PRKG2: variants seen among roughly 807,000 people sequenced by gnomAD.
PRKG2 encodes the protein protein kinase cGMP-dependent 2, also known as cGMP-dependent protein kinase 2.
Under a neutral mutation model 97.2 loss-of-function variants are expected in PRKG2, and 33 were observed. That is an observed-to-expected ratio of 0.34 (90% CI 0.26 to 0.45). PRKG2 has a LOEUF of 0.45. Among genes scored for constraint, PRKG2 ranks in the 20% least tolerant of loss-of-function variants. PRKG2 has a pLI of 1.00. For synonymous variants in PRKG2, 330 were observed against 321.8 expected, an observed-to-expected ratio of 1.03 and a Z score of -0.27; for missense variants, 638 against 900.0, an observed-to-expected ratio of 0.71 and a Z score of 3.73.
rs115547747 is a variant in PRKG2, at chr4:81,183,120, A to C, written c.462-8161T>G. Reference sequence around the variant, plus strand: ...ACACTTAAAGTAATGGATATCAAAAATTATGATGAATGAAAATAATTAAGA... The same window carrying C: ...ACACTTAAAGTAATGGATATCAAAACTTATGATGAATGAAAATAATTAAGA... On this transcript the variant is annotated intron_variant, in intron 2 of 18. Coordinates refer to ENST00000264399, the MANE Select transcript of PRKG2 (RefSeq NM_006259.3). Among the ~76,000 whole-genome samples the C allele has an allele frequency of 2.0e-3, 307 of 152,306 alleles. 3 individuals carry two copies. Among genetic ancestry groups the C allele is most frequent in the African/African-American group, 7.1e-3 (294 of 41,566 alleles).
At chr4:81,090,088 T>C (rs1741394750) in intron 18 of PRKG2, among the ~76,000 whole-genome samples, 1 of 152,242 alleles carries the variant, frequency 6.6e-6, no homozygotes, top group African/African-American at 2.4e-5. Context: ...CCAGGCGCTG[T>C]GGCTCACGCC....
intron 14 of PRKG2, among the ~76,000 whole-genome samples, chr4:81,122,609 G>A (rs1745170597): frequency 6.6e-6 from 1 of 152,034 alleles, no homozygotes; most frequent in South Asian, 2.1e-4. Context: ...TCTTATTTAG[G>A]CCTTTTTTTT....
chr4:81,089,801 G>A lies in PRKG2; in HGVS notation c.2196C>T (p.Leu732=). The stretch of plus-strand genomic sequence containing the variant: ...AGTAGCTGTGATCTATGGGTCCCTT[G>A]AGCTAATATAGAAATAATTAAAACA... ...RSLPSPLQRE[L]KGPIDHSYFD... Residue 732 remains leucine (L), a splice_region_variant and synonymous_variant, in exon 19 of 19, where the codon CTC becomes CTT. Transcript: ENST00000264399. 1 of 1,596,590 alleles carries A rather than the reference G, an allele frequency of 6.3e-7. No individual in the cohort carries two copies. The highest frequency in any genetic ancestry group is 8.6e-7 in the Non-Finnish European group (1 of 1,164,288).
intron 14 of PRKG2, among the ~76,000 whole-genome samples, chr4:81,130,628 A>C (rs1237970014): frequency 1.3e-5 from 2 of 152,184 alleles, no homozygotes; most frequent in Non-Finnish European, 2.9e-5. Context: ...CCAGGGATAG[A>C]GTAGTTTTAT....
chr4:81,210,963 A>G (rs1753941282), intron 1 of PRKG2, among the ~76,000 whole-genome samples: 1 of 152,202 alleles, frequency 6.6e-6, no homozygotes, highest in African/African-American at 2.4e-5. Flanking sequence ...TATACATTGT[A>G]TGATTTCAAC....
At chr4:81,124,955 C>G (rs1745409808) in intron 14 of PRKG2, among the ~76,000 whole-genome samples, 1 of 152,026 alleles carries the variant, frequency 6.6e-6, no homozygotes, top group African/African-American at 2.4e-5. Flanking sequence ...GTTTCTATTT[C>G]TTAAATATTG....
At chr4:81,133,715 G>A (rs1746385320) in intron 14 of PRKG2, among the ~76,000 whole-genome samples, 1 of 151,956 alleles carries the variant, frequency 6.6e-6, no homozygotes, top group African/African-American at 2.4e-5. Flanking sequence ...CTTACTCTTT[G>A]TTTAGCTGAT....
chr4:81,135,108 A>C, intron 14 of PRKG2, 47 bp downstream of exon 14: 6 of 1,508,798 alleles, frequency 4.0e-6, no homozygotes, highest in Non-Finnish European at 5.4e-6. Context: ...AACTTTTGCC[A>C]GGGGAAATAT....
intron 2 of PRKG2, among the ~76,000 whole-genome samples, chr4:81,201,030 T>C (rs370145214): frequency 3.9e-5 from 6 of 152,288 alleles, no homozygotes; most frequent in African/African-American, 1.4e-4. Flanking sequence ...CATAGACTCA[T>C]TTTCTGTGGC....
At chr4:81,091,098 AT>A (rs1304897198) in intron 18 of PRKG2, among the ~76,000 whole-genome samples, 1 of 152,154 alleles carries the variant, frequency 6.6e-6, no homozygotes, top group Non-Finnish European at 1.5e-5. Flanking sequence ...GCATAGAAGC[AT>A]TTTACATTAG....
intron 12 of PRKG2, among the ~76,000 whole-genome samples, chr4:81,138,334 C>G (rs746089083): frequency 6.6e-5 from 10 of 152,110 alleles, no homozygotes; most frequent in Non-Finnish European, 1.2e-4. Flanking sequence ...CTCCCTAGCA[C>G]CACATCCAGA....
chr4:81,214,529 C>G (rs1754174543), intron 1 of PRKG2, among the ~76,000 whole-genome samples: 1 of 151,958 alleles, frequency 6.6e-6, no homozygotes, highest in Non-Finnish European at 1.5e-5. Context: ...GGACTGTCCC[C>G]TAGCAACTAC....
At chr4:81,197,309 A>G (rs1348726905) in intron 2 of PRKG2, among the ~76,000 whole-genome samples, 1 of 152,190 alleles carries the variant, frequency 6.6e-6, no homozygotes, top group Non-Finnish European at 1.5e-5. Flanking sequence ...ATTTCAGAGG[A>G]CATTTAGAAA....
chr4:81,159,260 A>T (rs1250681884), intron 6 of PRKG2, among the ~76,000 whole-genome samples: 4 of 152,184 alleles, frequency 2.6e-5, no homozygotes, highest in Non-Finnish European at 5.9e-5. Context: ...AAACAAATTT[A>T]CAAGAAAAAA....
chr4:81,152,355 G>A (rs559110753), intron 7 of PRKG2, among the ~76,000 whole-genome samples: 2 of 152,260 alleles, frequency 1.3e-5, no homozygotes, highest in East Asian at 3.9e-4. Context: ...CCTTCTGAGA[G>A]ATCCACAAAG....
At chr4:81,139,196 A>C (rs1747008751) in intron 12 of PRKG2, among the ~76,000 whole-genome samples, 9 of 152,102 alleles carry the variant, frequency 5.9e-5, no homozygotes, top group Admixed American at 5.9e-4. Context: ...TAGAAGATGG[A>C]TGTTTTGGTA....
chr4:81,158,879 A>G (rs1247346006), intron 6 of PRKG2, among the ~76,000 whole-genome samples: 1 of 151,538 alleles, frequency 6.6e-6, no homozygotes, highest in African/African-American at 2.5e-5. Context: ...TGGTGCTGGG[A>G]AAACTGGCTA....
intron 17 of PRKG2, among the ~76,000 whole-genome samples, chr4:81,095,965 T>C (rs934186970): frequency 6.6e-6 from 1 of 152,156 alleles, no homozygotes; most frequent in Non-Finnish European, 1.5e-5. Context: ...AAAATGTACA[T>C]AATTTTAAAA....
intron 2 of PRKG2, among the ~76,000 whole-genome samples, chr4:81,198,255 A>G (rs1753085151): frequency 6.6e-6 from 1 of 152,198 alleles, no homozygotes; most frequent in African/African-American, 2.4e-5. Context: ...AGAGGCTGAG[A>G]GGGCTGAGGT....
Sources: gnomAD v4.1 joint callset for allele counts (sites outside exome capture counted in the v4.1 genomes callset) on GRCh38, gnomAD v4.1.1 for gene constraint, MANE v1.5 for transcripts, NCBI Gene and HGNC (gene_info 2026-07-23, HGNC 2026-07-21) for gene names.